The following COL5A2 variants were observed in gnomAD, a reference collection of about 807,000 sequenced individuals.
COL5A2 encodes the protein collagen alpha-2(V) chain.
Under a neutral mutation model 208.2 loss-of-function variants are expected in COL5A2, and 23 were observed. That is an observed-to-expected ratio of 0.11 (90% CI 0.08 to 0.16). COL5A2 has a LOEUF of 0.16. Ranked by LOEUF, COL5A2 falls within the 10% of genes least tolerant of loss-of-function variation. The pLI is 1.00. For missense variants in COL5A2, 1,590 were observed against 1,956.4 expected, an observed-to-expected ratio of 0.81 and a Z score of 3.53; for synonymous variants, 625 against 628.5, an observed-to-expected ratio of 0.99 and a Z score of 0.08.
the COL5A2 span, among the ~76,000 whole-genome samples, chr2:189,330,665 C>A: frequency 6.6e-6 from 1 of 152,104 alleles, no homozygotes; most frequent in African/African-American, 2.4e-5. Context: ...ATGCTCAGGT[C>A]CCAAGCCATA....
rs558895588 is a variant in COL5A2, at chr2:189,203,652, CTTACT to C, written c.-42+21491_-42+21495del. ...CTACTTACATGGTTACAGTTCTTTT[CTTACT>C]TTAGAGACTTTATTATTTTCCACAA... is the stretch of plus-strand genomic sequence containing the variant. On this transcript the variant is annotated intron_variant, in intron 1 of 10. Coordinates refer to the COL5A2 transcript ENST00000649966. 7.2e-5 allele frequency among the ~76,000 whole-genome samples: 11 copies of C among 152,238 alleles called. No individual in the cohort carries two copies. In the South Asian group the frequency reaches 2.3e-3, roughly 32 times the overall value.
At chr2:189,387,078 T>C in the COL5A2 span, among the ~76,000 whole-genome samples, 1 of 152,242 alleles carries the variant, frequency 6.6e-6, no homozygotes, top group Non-Finnish European at 1.5e-5. Flanking sequence ...TGCCCATCAA[T>C]GGTGGACTGG....
chr2:189,343,105 A>G, the COL5A2 span, among the ~76,000 whole-genome samples: 1 of 152,102 alleles, frequency 6.6e-6, no homozygotes, highest in Non-Finnish European at 1.5e-5. Context: ...GAGAAAAACT[A>G]CATATGACTT....
In COL5A2 at chr2:189,042,817, C is replaced by G. The variant is rs1390412819; in HGVS notation, c.3472-44G>C. 5 of 1,555,834 alleles carry G rather than the reference C, an allele frequency of 3.2e-6. No homozygotes were observed. The African/African-American group carries it at 6.8e-5, about 21-fold the overall frequency. On this transcript the variant is annotated intron_variant, in intron 48 of 53. Transcript: ENST00000374866. ...AAAAATGTTGCCAAAATATTTGGAT[C>G]CTGCATTGTGCCATTCTCAAAAATG...
the COL5A2 span, among the ~76,000 whole-genome samples, chr2:189,285,156 TA>T: frequency 6.6e-6 from 1 of 150,450 alleles, no homozygotes; most frequent in Admixed American, 6.7e-5. Flanking sequence ...GGAAGAAAGA[TA>T]AAAACACAGA....
At chr2:189,064,776 T>A (rs1260586068) in intron 24 of COL5A2, 121 bp from the exon 25 acceptor site, 2 of 849,580 alleles carry the variant, frequency 2.4e-6, no homozygotes, top group African/African-American at 3.4e-5. Context: ...AAGGCACTGA[T>A]ATAACGTATA....
the COL5A2 span, among the ~76,000 whole-genome samples, chr2:189,396,850 G>GC: frequency 6.6e-6 from 1 of 151,504 alleles, no homozygotes; most frequent in African/African-American, 2.4e-5. Flanking sequence ...AAATTAGCTG[G>GC]CCATGGTGGC....
chr2:189,192,959 T>C (rs996844313), intron 1 of COL5A2, among the ~76,000 whole-genome samples: 4 of 152,168 alleles, frequency 2.6e-5, no homozygotes, highest in African/African-American at 9.7e-5. Context: ...GTGATACTTA[T>C]CACAAGAGTG....
intron 1 of COL5A2, among the ~76,000 whole-genome samples, chr2:189,112,023 G>T (rs1301024504): frequency 2.6e-5 from 4 of 151,998 alleles, no homozygotes; most frequent in Admixed American, 2.0e-4. Flanking sequence ...CTGCCACCAT[G>T]CCCAGCGAAT....
chr2:189,342,266 C>A, the COL5A2 span, among the ~76,000 whole-genome samples: 1 of 146,734 alleles, frequency 6.8e-6, no homozygotes, highest in African/African-American at 2.5e-5. Flanking sequence ...AAATGATGAA[C>A]TGTTAGAAAT....
the COL5A2 span, among the ~76,000 whole-genome samples, chr2:189,238,902 G>C: frequency 2.0e-5 from 3 of 152,070 alleles, no homozygotes; most frequent in South Asian, 6.2e-4. Flanking sequence ...AAGAAACCAA[G>C]TTATAATCAG....
chr2:189,310,802 G>A, the COL5A2 span, among the ~76,000 whole-genome samples: 2 of 152,088 alleles, frequency 1.3e-5, no homozygotes, highest in Non-Finnish European at 2.9e-5. Flanking sequence ...AGATCATTAT[G>A]TTAAGCAAAA....
chr2:189,053,794 T>C, intron 37 of COL5A2, 101 bp downstream of exon 37: 1 of 1,100,900 alleles, frequency 9.1e-7, no homozygotes, highest in South Asian at 1.4e-5. Flanking sequence ...ATACATAACC[T>C]AAAACCAATA....
chr2:189,101,869 C>A (rs1687052090), intron 3 of COL5A2, among the ~76,000 whole-genome samples: 1 of 151,986 alleles, frequency 6.6e-6, no homozygotes, highest in South Asian at 2.1e-4. Flanking sequence ...AATAGCCAAC[C>A]TACACAAAGC....
the COL5A2 span, among the ~76,000 whole-genome samples, chr2:189,249,697 TTTTG>T: frequency 3.9e-5 from 6 of 152,254 alleles, no homozygotes; most frequent in African/African-American, 7.2e-5. Flanking sequence ...GTGTTTTTGG[TTTTG>T]TTTGTTTGTT....
chr2:189,112,168 T>C (rs1472478127), intron 1 of COL5A2, among the ~76,000 whole-genome samples: 3 of 152,184 alleles, frequency 2.0e-5, no homozygotes, highest in African/African-American at 4.8e-5. Flanking sequence ...CCTCATTGTA[T>C]AGCTTGATGC....
At chr2:189,355,652 T>C in the COL5A2 span, among the ~76,000 whole-genome samples, 1 of 152,198 alleles carries the variant, frequency 6.6e-6, no homozygotes. Flanking sequence ...CTCCTTCCCT[T>C]TATTTTGAGC....
At chr2:189,417,391 G>A in the COL5A2 span, among the ~76,000 whole-genome samples, 1 of 151,282 alleles carries the variant, frequency 6.6e-6, no homozygotes, top group East Asian at 1.9e-4. Flanking sequence ...GGATAATAGT[G>A]ACTGTGACAT....
intron 52 of COL5A2, among the ~76,000 whole-genome samples, chr2:189,035,973 A>G (rs183357549): frequency 6.6e-6 from 1 of 152,098 alleles, no homozygotes; most frequent in African/African-American, 2.4e-5. Context: ...AAAAATATCA[A>G]TTGACTTCAT....
Sources: gnomAD v4.1 joint callset for allele counts (sites outside exome capture counted in the v4.1 genomes callset) on GRCh38, gnomAD v4.1.1 for gene constraint, MANE v1.5 for transcripts, NCBI Gene and HGNC (gene_info 2026-07-23, HGNC 2026-07-21) for gene names.